The following BUB1B variants were observed in gnomAD, a reference collection of about 807,000 sequenced individuals.
BUB1B encodes the protein BUB1 mitotic checkpoint serine/threonine kinase B, also known as mitotic checkpoint serine/threonine-protein kinase BUB1 beta.
In BUB1B, 86 loss-of-function variants were observed where a neutral mutation model predicts 137.7. The observed-to-expected ratio is 0.62, with a 90% CI of 0.52 to 0.75. The LOEUF is 0.75. BUB1B is among the 30% of genes least tolerant of loss of function. The probability of loss-of-function intolerance (pLI) is 0.00; values close to 1 mark genes in which losing one functional copy is unlikely to be tolerated. For missense variants in BUB1B, 1,130 were observed against 1,236.9 expected (o/e 0.91, Z 1.30); for synonymous variants, 420 against 417.9 (o/e 1.00, Z -0.06).
rs2037728904 is a variant in BUB1B at position 40,212,641 on chromosome 15, C to T, written c.2528C>T (p.Thr843Ile). 6.2e-7 allele frequency: 1 copy of T among 1,612,920 alleles called. No individual in the cohort carries two copies. The highest frequency in any genetic ancestry group is 8.5e-7 in the Non-Finnish European group (1 of 1,179,604). ...TGGCACCAATATATAAACTGCTTCACCCTTCAGGTCTGTAATACTAAAAAC... is the reference window on the plus strand; with the variant it reads ...TGGCACCAATATATAAACTGCTTCATCCTTCAGGTCTGTAATACTAAAAAC... Reference protein sequence around the residue: ...IVWHQYINCFTLQDLLQHSEY... With the variant: ...IVWHQYINCFILQDLLQHSEY... Residue 843 changes from threonine (T) to isoleucine (I), a missense_variant, in exon 19 of 23, where the codon ACC becomes ATC. Thr to Ile is a moderately conservative substitution (Grantham distance 89). Coordinates refer to ENST00000287598, the MANE Select transcript of BUB1B (RefSeq NM_001211.6).
chr15:40,173,043 A>G (rs2037182131), intron 4 of BUB1B, among the ~76,000 whole-genome samples: 1 of 152,192 alleles, frequency 6.6e-6, no homozygotes, highest in East Asian at 1.9e-4. Flanking sequence ...TGGGAGGCCA[A>G]GGTAAGTGTA....
chr15:40,175,522 T>C (rs1029115441), intron 4 of BUB1B, among the ~76,000 whole-genome samples: 5 of 152,230 alleles, frequency 3.3e-5, no homozygotes, highest in African/African-American at 1.2e-4. Flanking sequence ...AGATAATACA[T>C]ATCCTTTCAT....
chr15:40,164,382 C>T (rs2037071127), intron 1 of BUB1B, among the ~76,000 whole-genome samples: 1 of 152,052 alleles, frequency 6.6e-6, no homozygotes, highest in Non-Finnish European at 1.5e-5. Context: ...CGTGTACCAC[C>T]ACGCCTGGCT....
chr15:40,165,706 T>G (rs1294161916), intron 2 of BUB1B, among the ~76,000 whole-genome samples: 1 of 152,230 alleles, frequency 6.6e-6, no homozygotes, highest in Non-Finnish European at 1.5e-5. Flanking sequence ...ATACATGTTT[T>G]GATAAATATG....
chr15:40,170,429 C>G, intron 3 of BUB1B, 108 bp from the exon 4 acceptor site: 1 of 1,354,150 alleles, frequency 7.4e-7, no homozygotes. Context: ...TTGAGGACCT[C>G]AAAAGAAACA....
At chr15:40,196,456 C>A in intron 8 of BUB1B, 89 bp from the exon 9 acceptor site, 2 of 1,187,340 alleles carry the variant, frequency 1.7e-6, no homozygotes, top group Non-Finnish European at 2.5e-6. Context: ...TATTGATGGC[C>A]CTTGTAAATT....
At chr15:40,167,699 T>C (rs2037117162) in intron 2 of BUB1B, among the ~76,000 whole-genome samples, 1 of 152,178 alleles carries the variant, frequency 6.6e-6, no homozygotes, top group African/African-American at 2.4e-5. Flanking sequence ...TTTCCTTGTA[T>C]ATGGTGTGGG....
chr15:40,218,443 T>C lies in BUB1B; in HGVS notation c.2851-13T>C. ...AGAATTATTTTAGCTGATGGTGCTT[T>C]TTGTGATTTCAGGTAGACCTGTTTG... On this transcript the variant is annotated splice_polypyrimidine_tract_variant and intron_variant, in intron 21 of 22. Transcript: ENST00000287598. The C allele has an allele frequency of 1.3e-6, 2 of 1,595,414 alleles. No individual in the cohort carries two copies. The highest frequency in any genetic ancestry group is 2.2e-5 in the South Asian group (2 of 90,298).
intron 5 of BUB1B, 36 bp downstream of exon 5, chr15:40,176,709 A>G (rs2037228707): frequency 6.3e-7 from 1 of 1,593,898 alleles, no homozygotes; most frequent in South Asian, 1.1e-5. Context: ...AACTCTAAAA[A>G]TAATAGAAAT....
In BUB1B at chr15:40,218,436, G is replaced by T. The variant is rs757528865; in HGVS notation, c.2851-20G>T. The T allele has an allele frequency of 6.4e-7, 1 of 1,568,262 alleles. No individual in the cohort carries two copies. Among genetic ancestry groups the T allele is most frequent in the Non-Finnish European group, 8.8e-7 (1 of 1,139,202 alleles). On this transcript the variant is annotated intron_variant, in intron 21 of 22. Transcript: ENST00000287598. Reference sequence around the variant, plus strand: ...GAGGCAGAGAATTATTTTAGCTGATGGTGCTTTTTGTGATTTCAGGTAGAC... The same window carrying T: ...GAGGCAGAGAATTATTTTAGCTGATTGTGCTTTTTGTGATTTCAGGTAGAC...
chr15:40,198,120 G>A (rs1162104375), intron 9 of BUB1B, among the ~76,000 whole-genome samples: 1 of 151,866 alleles, frequency 6.6e-6, no homozygotes, highest in Non-Finnish European at 1.5e-5. Context: ...GTGGGAAAAA[G>A]AAAAGGTACA....
chr15:40,187,123 A>G (rs2037376459), intron 8 of BUB1B: 1 of 97,670 alleles, frequency 1.0e-5, no homozygotes, highest in African/African-American at 4.8e-5. Context: ...CTGACCCTAC[A>G]AAACAAATTT....
intron 1 of BUB1B, 41 bp from the exon 2 acceptor site, chr15:40,165,012 C>T: frequency 1.2e-6 from 2 of 1,612,090 alleles, no homozygotes; most frequent in African/African-American, 1.3e-5. Context: ...CTATAATAGT[C>T]AATGTTGGTA....
chr15:40,213,711 A>AT (rs2037742323), intron 20 of BUB1B, among the ~76,000 whole-genome samples: 1 of 151,842 alleles, frequency 6.6e-6, no homozygotes, highest in Admixed American at 6.6e-5. Flanking sequence ...AATTTTTTGT[A>AT]TTTTTTGGTA....
In BUB1B at chr15:40,202,751, A is replaced by T. The variant is rs2412482; in HGVS notation, c.1734+57A>T. On this transcript the variant is annotated intron_variant, in intron 14 of 22. Coordinates refer to ENST00000287598, the MANE Select transcript of BUB1B (RefSeq NM_001211.6). ...TGGGCTAGTGGATTGTTTATTCAAA[A>T]CCACAAAAGCTTAAGGTTAAAATTG... is the stretch of plus-strand genomic sequence containing the variant. The T allele has an allele frequency of 0.68, 989,357 of 1,444,688 alleles. 344,175 individuals are homozygous for T. The highest frequency in any genetic ancestry group is 0.82 in the African/African-American group (58,812 of 71,402). The allele number at this position is 1,444,688 out of a possible 1,614,324, so 89.5% of individuals were successfully genotyped here.
At position 40,185,547 on chromosome 15, in the gene BUB1B, C is replaced by T; in HGVS notation, c.967-4C>T. On this transcript the variant is annotated splice_region_variant and splice_polypyrimidine_tract_variant and intron_variant, in intron 7 of 22. Coordinates refer to ENST00000287598, the MANE Select transcript of BUB1B (RefSeq NM_001211.6). ...GTAATTTTAGTTTTCTTCTTCATCTCCAGCCTCGTGGCAATACAGCTTCAC... is the reference window on the plus strand; with the variant it reads ...GTAATTTTAGTTTTCTTCTTCATCTTCAGCCTCGTGGCAATACAGCTTCAC... The T allele has an allele frequency of 1.2e-6, 2 of 1,614,086 alleles. No individual in the cohort carries two copies. The highest frequency in any genetic ancestry group is 2.2e-5 in the East Asian group (1 of 44,892).
chr15:40,186,568 C>G (rs1276517008), intron 8 of BUB1B, among the ~76,000 whole-genome samples: 2 of 151,312 alleles, frequency 1.3e-5, no homozygotes, highest in African/African-American at 4.9e-5. Context: ...CCTTAGCCTC[C>G]CAAGTAGCTG....
At chr15:40,201,657 A>T (rs933010392) in intron 12 of BUB1B, among the ~76,000 whole-genome samples, 63 of 151,866 alleles carry the variant, frequency 4.1e-4, no homozygotes, top group East Asian at 2.5e-3. Context: ...CTTTAAAAAA[A>T]TTTTTTTTTA....
chr15:40,200,828 G>C (rs2037559440), intron 11 of BUB1B, 103 bp from the exon 12 acceptor site: 3 of 927,738 alleles, frequency 3.2e-6, no homozygotes, highest in Non-Finnish European at 5.1e-6. Context: ...ATTTATCTTA[G>C]AGTAAATATT....
Sources: gnomAD v4.1 joint callset for allele counts (sites outside exome capture counted in the v4.1 genomes callset) on GRCh38, gnomAD v4.1.1 for gene constraint, MANE v1.5 for transcripts, NCBI Gene and HGNC (gene_info 2026-07-23, HGNC 2026-07-21) for gene names.